Variants in NIBAN2 observed in about 807,000 individuals in gnomAD.
The protein encoded by NIBAN2 is niban apoptosis regulator 2.
NIBAN2 carries 36 observed loss-of-function variants against 81.8 expected under a neutral mutation model. That is an observed-to-expected ratio of 0.44 (90% CI 0.34 to 0.58). The LOEUF (loss-of-function observed/expected upper bound fraction) is 0.58, where lower values mean the gene tolerates loss of function less well. Among genes scored for constraint, NIBAN2 ranks in the 20% least tolerant of loss-of-function variants. NIBAN2 has a pLI of 0.02. For synonymous variants in NIBAN2, 445 were observed against 441.6 expected (o/e 1.01, Z -0.10); for missense variants, 897 against 1,014.1 (o/e 0.88, Z 1.57).
Position 127,508,234 on chromosome 9 carries a change from T to G in NIBAN2, c.1435-34A>C, listed in dbSNP as rs553020404. The G allele has an allele frequency of 9.7e-6, 15 of 1,544,916 alleles. No individual in the cohort carries two copies. In the South Asian group the frequency reaches 1.7e-4, roughly 17 times the overall value. ...AACAAGGGGGTCGGGGGTCTGCAGG[T>G]CAGTGGGCTCCATTGGCCCTGAGGG... is the stretch of plus-strand genomic sequence containing the variant. On this transcript the variant is annotated intron_variant, in intron 11 of 13. Transcript: ENST00000373312. The surrounding 1 kb of genome is among the most constrained non-coding windows in gnomAD (Gnocchi z 6.4).
intron 1 of NIBAN2, among the ~76,000 whole-genome samples, chr9:127,554,043 C>T (rs1381573753): frequency 6.6e-6 from 1 of 152,198 alleles, no homozygotes; most frequent in Non-Finnish European, 1.5e-5. Context: ...TTGTGGAATC[C>T]ATCTGCCATC....
At chr9:127,510,056 C>G in intron 9 of NIBAN2, 90 bp downstream of exon 9, 2 of 1,282,528 alleles carry the variant, frequency 1.6e-6, no homozygotes, top group South Asian at 3.0e-5. Flanking sequence ...TGGAGGGGAA[C>G]GGCTGCCCGG....
Position 127,506,831 on chromosome 9 carries a change from A to G in NIBAN2, c.*14T>C, listed in dbSNP as rs766762048. ...ACGGCCTGTGCCATGTGCAGCAGTC[A>G]GGGACCCACTGGCCTAGAACTCAGT... On this transcript the variant is annotated 3_prime_UTR_variant, in exon 14 of 14. Transcript: ENST00000373312. 3.3e-5 allele frequency: 53 copies of G among 1,589,272 alleles called. No individual in the cohort carries two copies. Among genetic ancestry groups the G allele is most frequent in the Non-Finnish European group, 4.5e-5 (53 of 1,167,016 alleles).
At chr9:127,570,679 C>A (rs1837936663), upstream of NIBAN2, among the ~76,000 whole-genome samples, 1 of 152,200 alleles carries the variant, frequency 6.6e-6, no homozygotes. Flanking sequence ...AGGACCAGAA[C>A]TGGAAGTTGA....
chr9:127,555,792 T>C (rs1446553023), intron 1 of NIBAN2, among the ~76,000 whole-genome samples: 2 of 152,216 alleles, frequency 1.3e-5, no homozygotes, highest in Admixed American at 6.5e-5. Flanking sequence ...CATTTCTTTA[T>C]AGCAATTCGC....
chr9:127,568,227 G>A (rs1482455512), intron 1 of NIBAN2, among the ~76,000 whole-genome samples: 1 of 152,188 alleles, frequency 6.6e-6, no homozygotes, highest in East Asian at 1.9e-4. Flanking sequence ...AGCAGGGGCA[G>A]CCTGCTGTCT....
chr9:127,510,938 T>C (rs1836726199), intron 8 of NIBAN2, among the ~76,000 whole-genome samples: 1 of 152,202 alleles, frequency 6.6e-6, no homozygotes, highest in Admixed American at 6.5e-5. Flanking sequence ...GTACATTGTG[T>C]GACCCTGAGG....
In NIBAN2 at chr9:127,517,338, T is replaced by C; in HGVS notation, c.706-122A>G. 2 of 749,318 alleles carry C rather than the reference T, an allele frequency of 2.7e-6. No individual in the cohort carries two copies. Among genetic ancestry groups the C allele is most frequent in the Non-Finnish European group, 4.4e-6 (2 of 450,636 alleles). The allele number at this position is 749,318 out of a possible 1,614,324, so 46.4% of individuals were successfully genotyped here. ...ACCTCCTCCGCGACTGGCCCATTGCTTCACCCTCCCTGCTGCCCTCTCTCC... is the reference window on the plus strand; with the variant it reads ...ACCTCCTCCGCGACTGGCCCATTGCCTCACCCTCCCTGCTGCCCTCTCTCC... On this transcript the variant is annotated intron_variant, in intron 6 of 13. Coordinates refer to ENST00000373312, the MANE Select transcript of NIBAN2 (RefSeq NM_022833.4). The surrounding 1 kb of genome is among the most constrained non-coding windows in gnomAD (Gnocchi z 4.0).
chr9:127,533,332 C>T (rs2132191977), intron 1 of NIBAN2, among the ~76,000 whole-genome samples: 1 of 152,352 alleles, frequency 6.6e-6, no homozygotes, highest in South Asian at 2.1e-4. Context: ...TGGCGGGCGC[C>T]TGTAGTCCCA....
intron 1 of NIBAN2, among the ~76,000 whole-genome samples, chr9:127,546,970 G>A (rs7049034): frequency 0.22 from 32,973 of 150,646 alleles, 4,108 homozygotes; most frequent in East Asian, 0.54. Context: ...CCTGCTAGGG[G>A]AGGGAGGACA....
intron 1 of NIBAN2, among the ~76,000 whole-genome samples, chr9:127,553,629 T>C (rs926897776): frequency 6.6e-6 from 1 of 152,238 alleles, no homozygotes; most frequent in East Asian, 1.9e-4. Flanking sequence ...GAATGGGGTC[T>C]TCGTGCTCAG....
intron 1 of NIBAN2, among the ~76,000 whole-genome samples, chr9:127,549,738 G>A (rs1409087014): frequency 1.3e-5 from 2 of 152,184 alleles, no homozygotes; most frequent in Non-Finnish European, 2.9e-5. Context: ...TGGAATGCCA[G>A]GGACCCTTTA....
intron 2 of NIBAN2, 52 bp downstream of exon 2, chr9:127,531,596 C>A (rs778704089): frequency 8.2e-6 from 13 of 1,580,476 alleles, no homozygotes; most frequent in South Asian, 1.1e-5. Flanking sequence ...TCCCCCGAGG[C>A]CACATGGCGA....
rs543016399 is a variant in NIBAN2, at chr9:127,544,394, G to A, written c.56-12616C>T. 3.9e-5 allele frequency among the ~76,000 whole-genome samples: 6 copies of A among 152,260 alleles called. No homozygotes were observed. In the East Asian group the frequency reaches 9.6e-4, roughly 24 times the overall value. ...CCACCTCACAAGGTTGCTAGGGCAG[G>A]GAGCACTCAGGAGATGTTGGCTTTT... On this transcript the variant is annotated intron_variant, in intron 1 of 13. Coordinates refer to ENST00000373312, the MANE Select transcript of NIBAN2 (RefSeq NM_022833.4).
intron 1 of NIBAN2, among the ~76,000 whole-genome samples, chr9:127,542,279 G>A (rs1276497117): frequency 2.0e-5 from 3 of 152,178 alleles, no homozygotes; most frequent in African/African-American, 4.8e-5. Flanking sequence ...ACCACCATGC[G>A]TCTTTCAACT....
chr9:127,532,281 T>C (rs575284182), intron 1 of NIBAN2, among the ~76,000 whole-genome samples: 88 of 152,268 alleles, frequency 5.8e-4, no homozygotes, highest in Non-Finnish European at 7.5e-4. Flanking sequence ...TCGGTATACA[T>C]TGGTTCATTC....
chr9:127,548,850 C>G (rs1053221769), intron 1 of NIBAN2, among the ~76,000 whole-genome samples: 1 of 152,140 alleles, frequency 6.6e-6, no homozygotes, highest in Non-Finnish European at 1.5e-5. Context: ...GCCGTAGCCA[C>G]GCCCTATTGC....
chr9:127,521,960 T>A (rs1836951589), intron 5 of NIBAN2, among the ~76,000 whole-genome samples: 1 of 152,158 alleles, frequency 6.6e-6, no homozygotes, highest in African/African-American at 2.4e-5. Flanking sequence ...AGGTGGCCCT[T>A]CCCCACCTTG....
chr9:127,562,071 C>G (rs920339952), intron 1 of NIBAN2, among the ~76,000 whole-genome samples: 2 of 152,084 alleles, frequency 1.3e-5, no homozygotes, highest in Admixed American at 1.3e-4. Flanking sequence ...GGCGCAGGGA[C>G]GGAGAATGGG....
Sources: allele counts gnomAD v4.1 joint callset (sites outside exome capture counted in the v4.1 genomes callset), GRCh38; gene constraint gnomAD v4.1.1; non-coding constraint Gnocchi (gnomAD v3.1); transcripts MANE v1.5; gene names NCBI Gene and HGNC (gene_info 2026-07-23, HGNC 2026-07-21).